Variants in LRMDA observed in about 807,000 individuals in gnomAD.
The protein encoded by LRMDA is leucine-rich melanocyte differentiation-associated protein.
In LRMDA, 18 loss-of-function variants were observed where a neutral mutation model predicts 29.8. The observed-to-expected ratio is 0.60, with a 90% CI of 0.42 to 0.90. The LOEUF (loss-of-function observed/expected upper bound fraction) is 0.90. LRMDA is among the 40% of genes least tolerant of loss of function. The probability of loss-of-function intolerance (pLI) is 0.00; values close to 1 mark genes in which losing one functional copy is unlikely to be tolerated. For synonymous variants in LRMDA, 125 were observed against 109.4 expected (o/e 1.14, Z -0.89); for missense variants, 273 against 273.9 (o/e 1.00, Z 0.02).
At chr10:76,276,864 A>G (rs1389121408) in intron 5 of LRMDA, among the ~76,000 whole-genome samples, 1 of 152,166 alleles carries the variant, frequency 6.6e-6, no homozygotes, top group Admixed American at 6.5e-5. Context: ...ATCTTGGTCC[A>G]GTTTTCAAAG....
intron 5 of LRMDA, among the ~76,000 whole-genome samples, chr10:76,206,802 G>A (rs1851545553): frequency 6.6e-6 from 1 of 152,142 alleles, no homozygotes; most frequent in Non-Finnish European, 1.5e-5. Context: ...CTTTCATGCA[G>A]CCCCTGCACT....
intron 2 of LRMDA, among the ~76,000 whole-genome samples, chr10:75,970,596 G>A (rs1356664319): frequency 2.6e-5 from 4 of 152,294 alleles, no homozygotes; most frequent in African/African-American, 9.6e-5. Flanking sequence ...CAGCTTATGG[G>A]ATTGTATTCT....
chr10:76,490,105 T>C (rs887227474), intron 6 of LRMDA, among the ~76,000 whole-genome samples: 5 of 152,046 alleles, frequency 3.3e-5, no homozygotes, highest in African/African-American at 1.2e-4. Context: ...ATAGTTTCTA[T>C]AATTCTTCTT....
intron 6 of LRMDA, among the ~76,000 whole-genome samples, chr10:76,436,884 G>A (rs1201469261): frequency 6.6e-6 from 1 of 152,114 alleles, no homozygotes; most frequent in South Asian, 2.1e-4. Context: ...TTTGTTAGGG[G>A]AGACTGCAGC....
At chr10:75,673,916 G>A (rs935496954) in intron 2 of LRMDA, among the ~76,000 whole-genome samples, 2 of 152,068 alleles carry the variant, frequency 1.3e-5, no homozygotes, top group Non-Finnish European at 2.9e-5. Context: ...TTAGCATCCT[G>A]CCTGACACAT....
chr10:76,127,011 G>T (rs905357231), intron 5 of LRMDA, among the ~76,000 whole-genome samples: 1 of 152,274 alleles, frequency 6.6e-6, no homozygotes, highest in Admixed American at 6.5e-5. Context: ...CAGGCTACTT[G>T]CTCATAAAGC....
chr10:75,817,652 T>C (rs948439833), intron 2 of LRMDA, among the ~76,000 whole-genome samples: 12 of 152,148 alleles, frequency 7.9e-5, no homozygotes, highest in Admixed American at 1.3e-4. Flanking sequence ...ACAATGGATG[T>C]GGTATGTATA....
intron 5 of LRMDA, among the ~76,000 whole-genome samples, chr10:76,148,557 TG>T (rs1387409802): frequency 6.6e-6 from 1 of 152,118 alleles, no homozygotes; most frequent in Non-Finnish European, 1.5e-5. Flanking sequence ...AGTATTAGGG[TG>T]GGAGTGACCC....
chr10:76,532,648 G>C (rs1843247049), intron 6 of LRMDA, among the ~76,000 whole-genome samples: 1 of 152,164 alleles, frequency 6.6e-6, no homozygotes, highest in Non-Finnish European at 1.5e-5. Flanking sequence ...GGGGAAATCA[G>C]AGAAGTCTTC....
chr10:75,499,841 G>A (rs745745441), intron 2 of LRMDA, among the ~76,000 whole-genome samples: 10 of 152,154 alleles, frequency 6.6e-5, no homozygotes, highest in African/African-American at 2.4e-4. Flanking sequence ...CTAGAGCCAA[G>A]GTCTGGAGAC....
intron 2 of LRMDA, among the ~76,000 whole-genome samples, chr10:75,492,136 C>T (rs1263918264): frequency 6.6e-6 from 1 of 152,214 alleles, no homozygotes; most frequent in African/African-American, 2.4e-5. Context: ...TCAGGAGAGC[C>T]TACGAGTAAT....
intron 2 of LRMDA, among the ~76,000 whole-genome samples, chr10:75,968,806 G>A (rs535525787): frequency 6.6e-6 from 1 of 152,304 alleles, no homozygotes; most frequent in African/African-American, 2.4e-5. Context: ...TGAAAAAAGT[G>A]CAGCAAGTGA....
At chr10:75,478,249 A>G (rs562237063) in intron 2 of LRMDA, among the ~76,000 whole-genome samples, 54 of 152,214 alleles carry the variant, frequency 3.5e-4, no homozygotes, top group South Asian at 8.3e-4. Flanking sequence ...ATCATATTTA[A>G]GAGTTTGAAT....
At chr10:76,363,149 GAAAGAAAGAAAGAAAGAAAGAAAGAAA>G (rs1841334313) in intron 6 of LRMDA, among the ~76,000 whole-genome samples, 1 of 37,508 alleles carries the variant, frequency 2.7e-5, no homozygotes, top group African/African-American at 1.2e-4. Context: ...AAGAAAGAAA[GAAAGAAAGAAAGAAAGAAAGAAAGAAA>G]GGAGGGAGGG....
intron 5 of LRMDA, among the ~76,000 whole-genome samples, chr10:76,144,811 A>T (rs1268390414): frequency 6.6e-6 from 1 of 152,080 alleles, no homozygotes; most frequent in East Asian, 1.9e-4. Flanking sequence ...CCCATTCAGT[A>T]TGATATTGGC....
chr10:76,016,856 T>C (rs1394942544), intron 2 of LRMDA, among the ~76,000 whole-genome samples: 1 of 152,234 alleles, frequency 6.6e-6, no homozygotes, highest in Non-Finnish European at 1.5e-5. Flanking sequence ...TCGTAATACC[T>C]GGCTCACACA....
intron 2 of LRMDA, among the ~76,000 whole-genome samples, chr10:75,695,383 T>C (rs1842221337): frequency 6.6e-6 from 1 of 151,906 alleles, no homozygotes; most frequent in African/African-American, 2.4e-5. Flanking sequence ...AATTGTAGAT[T>C]AAAAAAAACT....
rs184371046 is a variant in LRMDA, at chr10:75,444,165, G to A, written c.131+5671G>A. On this transcript the variant is annotated intron_variant, in intron 2 of 6. Coordinates refer to ENST00000611255, the MANE Select transcript of LRMDA (RefSeq NM_001305581.2). ...TGTATTTTTTTTCTTCTCATTATACGTCAGAGTCTTCTTTCCTGCATTAAC... is the reference window on the plus strand; with the variant it reads ...TGTATTTTTTTTCTTCTCATTATACATCAGAGTCTTCTTTCCTGCATTAAC... Among the ~76,000 whole-genome samples, 9 of 152,136 alleles carry A rather than the reference G, an allele frequency of 5.9e-5. No individual in the cohort carries two copies. In the South Asian group the frequency reaches 6.2e-4, roughly 11 times the overall value.
chr10:76,380,335 T>C (rs1304519819), intron 6 of LRMDA, among the ~76,000 whole-genome samples: 1 of 152,138 alleles, frequency 6.6e-6, no homozygotes, highest in African/African-American at 2.4e-5. Flanking sequence ...GTTATTTTCA[T>C]TTTCTTTTTA....
Sources: gnomAD v4.1 joint callset for allele counts (sites outside exome capture counted in the v4.1 genomes callset) on GRCh38, gnomAD v4.1.1 for gene constraint, MANE v1.5 for transcripts, NCBI Gene and HGNC (gene_info 2026-07-23, HGNC 2026-07-21) for gene names.